RABGAP1L: variants seen among roughly 807,000 people sequenced by gnomAD.
The protein encoded by RABGAP1L is rab GTPase-activating protein 1-like.
A neutral mutation model predicts 137.7 loss-of-function variants in RABGAP1L; 63 were observed. The ratio of observed to expected loss-of-function variants is 0.46; its 90% confidence interval spans 0.37 to 0.56. The LOEUF is 0.56. Among genes scored for constraint, RABGAP1L ranks in the 20% least tolerant of loss-of-function variants. The probability of loss-of-function intolerance (pLI) is 0.00; values close to 1 mark genes in which losing one functional copy is unlikely to be tolerated. For missense variants in RABGAP1L, 1,095 were observed against 1,244.0 expected (o/e 0.88, Z 1.80); for synonymous variants, 431 against 433.7 (o/e 0.99, Z 0.08).
rs552128206 is a variant in RABGAP1L, at chr1:174,490,801, C to T, written c.1710+96656C>T. ...GCCACGAGTCACGGTTTTTCCCGTT[C>T]TTCCCTCCTCTTTCCACAAGCAGAG... On this transcript the variant is annotated intron_variant, in intron 13 of 25. Coordinates refer to ENST00000681986, the MANE Select transcript of RABGAP1L (RefSeq NM_001366446.1). Among the ~76,000 whole-genome samples, 10 of 152,202 alleles carry T rather than the reference C, an allele frequency of 6.6e-5. No individual in the cohort carries two copies. The South Asian group carries it at 2.1e-3, about 32-fold the overall frequency.
chr1:174,560,342 T>C (rs1667132333), intron 13 of RABGAP1L, among the ~76,000 whole-genome samples: 1 of 152,176 alleles, frequency 6.6e-6, no homozygotes, highest in South Asian at 2.1e-4. Context: ...CAGTTCTTTT[T>C]TCAGTCACAT....
At chr1:174,634,704 TA>T (rs1278803667) in intron 13 of RABGAP1L, among the ~76,000 whole-genome samples, 10 of 131,210 alleles carry the variant, frequency 7.6e-5, no homozygotes, top group African/African-American at 2.3e-4. Context: ...TATGCAGCCA[TA>T]AAAAATGATG....
chr1:174,278,847 C>T (rs1305056867), intron 10 of RABGAP1L, 68 bp downstream of exon 10: 13 of 1,233,144 alleles, frequency 1.1e-5, no homozygotes, highest in Non-Finnish European at 1.4e-5. Context: ...TTTTTTAATG[C>T]CAAGATAATT....
chr1:174,292,433 T>C (rs2148722886), intron 10 of RABGAP1L, among the ~76,000 whole-genome samples: 1 of 149,432 alleles, frequency 6.7e-6, no homozygotes, highest in Non-Finnish European at 1.5e-5. Context: ...CTGCATTCCA[T>C]GAACCTTAAT....
At chr1:174,245,379 T>C (rs1672169147) in intron 5 of RABGAP1L, 1 of 152,096 alleles carries the variant, frequency 6.6e-6, no homozygotes, top group Non-Finnish European at 1.5e-5. Flanking sequence ...GTGGAGAATA[T>C]CATTTCTAAA....
chr1:174,569,475 C>T (rs767000996), intron 13 of RABGAP1L, among the ~76,000 whole-genome samples: 5 of 152,178 alleles, frequency 3.3e-5, no homozygotes, highest in African/African-American at 7.2e-5. Flanking sequence ...CCACACCAAT[C>T]CTGTACTGCC....
At chr1:174,269,318 A>C (rs1365880759) in intron 7 of RABGAP1L, among the ~76,000 whole-genome samples, 1 of 152,224 alleles carries the variant, frequency 6.6e-6, no homozygotes, top group Non-Finnish European at 1.5e-5. Flanking sequence ...GTACTTCAGA[A>C]ATGTGGAAAG....
chr1:174,969,449 A>C (rs1225098282), intron 21 of RABGAP1L, 62 bp downstream of exon 21: 6 of 1,239,342 alleles, frequency 4.8e-6, no homozygotes, highest in African/African-American at 1.5e-5. Context: ...TGCCCTCATC[A>C]CCGCCCCCAC....
intron 1 of RABGAP1L, among the ~76,000 whole-genome samples, chr1:174,177,747 C>T (rs1666008942): frequency 6.6e-6 from 1 of 152,142 alleles, no homozygotes; most frequent in Admixed American, 6.6e-5. Context: ...AATTCTTTCC[C>T]CATTGCTTGT....
chr1:174,755,464 A>T (rs1238710987), intron 18 of RABGAP1L, among the ~76,000 whole-genome samples: 2 of 152,180 alleles, frequency 1.3e-5, no homozygotes, highest in Non-Finnish European at 2.9e-5. Flanking sequence ...CAGTCAGAAT[A>T]GGTTTTTTGT....
chr1:174,603,659 G>C (rs1367018889), intron 13 of RABGAP1L, among the ~76,000 whole-genome samples: 1 of 152,020 alleles, frequency 6.6e-6, no homozygotes, highest in East Asian at 1.9e-4. Flanking sequence ...AGCTGGTATT[G>C]TGCTGGGTCA....
intron 3 of RABGAP1L, among the ~76,000 whole-genome samples, chr1:174,228,189 C>T (rs986862219): frequency 6.6e-6 from 1 of 151,782 alleles, no homozygotes; most frequent in South Asian, 2.1e-4. Context: ...CCTATTTTAT[C>T]ATTTCTTATT....
chr1:174,976,282 G>A (rs1670634061), intron 22 of RABGAP1L, 100 bp downstream of exon 22: 14 of 1,021,320 alleles, frequency 1.4e-5, no homozygotes, highest in Non-Finnish European at 2.0e-5. Context: ...TAAATCAAAG[G>A]TGATGTTAAA....
chr1:174,673,900 C>A (rs1677371402), intron 14 of RABGAP1L, among the ~76,000 whole-genome samples: 1 of 152,076 alleles, frequency 6.6e-6, no homozygotes, highest in South Asian at 2.1e-4. Flanking sequence ...TTTAGCTTCA[C>A]ACAGAGATAA....
intron 17 of RABGAP1L, among the ~76,000 whole-genome samples, chr1:174,716,016 A>G (rs993219944): frequency 1.3e-5 from 2 of 152,276 alleles, no homozygotes; most frequent in Admixed American, 6.5e-5. Context: ...ATATTTGCAT[A>G]TAACCTAACA....
intron 13 of RABGAP1L, among the ~76,000 whole-genome samples, chr1:174,524,612 T>C (rs2147860213): frequency 6.6e-6 from 1 of 152,314 alleles, no homozygotes; most frequent in South Asian, 2.1e-4. Context: ...ACTATGTTGA[T>C]TATTTCCTTT....
intron 14 of RABGAP1L, among the ~76,000 whole-genome samples, chr1:174,666,233 G>C (rs1676775121): frequency 1.3e-5 from 2 of 152,134 alleles, no homozygotes; most frequent in Non-Finnish European, 2.9e-5. Context: ...TAATCCAAAG[G>C]CTAATTTATG....
At chr1:174,229,176 G>A (rs1193731421) in intron 3 of RABGAP1L, among the ~76,000 whole-genome samples, 3 of 152,122 alleles carry the variant, frequency 2.0e-5, no homozygotes, top group East Asian at 1.9e-4. Flanking sequence ...CAGGAATGAG[G>A]GAAATAAGGA....
rs549477266 is a variant in RABGAP1L, at chr1:174,550,999, C to CATATATATATATATATAT, written c.1711-86370_1711-86353dup. 1.0e-3 allele frequency among the ~76,000 whole-genome samples: 88 copies of CATATATATATATATATAT among 86,306 alleles called. 8 individuals carry two copies. The highest frequency in any genetic ancestry group is 6.5e-3 in the African/African-American group (78 of 12,026). 56.6% of individuals were successfully genotyped at this position (86,306 alleles called of 152,430 possible). A position where few individuals can be genotyped will look rare whatever the true frequency, so the allele number is the denominator to read the frequency against. Reference sequence around the variant, plus strand: ...GTATATATACATATATATATATACACATATATATATATATATATATATACA... The same window carrying CATATATATATATATATAT: ...GTATATATACATATATATATATACACATATATATATATATATATATATATATATATATATATATATACA... On this transcript the variant is annotated intron_variant, in intron 13 of 25. Transcript: ENST00000681986.
Sources: allele counts gnomAD v4.1 joint callset (sites outside exome capture counted in the v4.1 genomes callset), GRCh38; gene constraint gnomAD v4.1.1; transcripts MANE v1.5; gene names NCBI Gene and HGNC (gene_info 2026-07-23, HGNC 2026-07-21).